The following PALLD variants were observed in gnomAD, a reference collection of about 807,000 sequenced individuals.
PALLD encodes palladin, cytoskeletal associated protein.
PALLD carries 61 observed loss-of-function variants against 123.5 expected under a neutral mutation model. The ratio of observed to expected loss-of-function variants is 0.49; its 90% CI spans 0.40 to 0.61. The LOEUF (loss-of-function observed/expected upper bound fraction) is 0.61, where lower values mean the gene tolerates loss of function less well. Ranked by LOEUF, PALLD falls within the 20% of genes least tolerant of loss-of-function variation. The probability of loss-of-function intolerance (pLI) is 0.00; values close to 1 mark genes in which losing one functional copy is unlikely to be tolerated. For synonymous variants in PALLD, 465 were observed against 496.4 expected, an observed-to-expected ratio of 0.94 and a Z score of 0.84; for missense variants, 1,273 against 1,377.0, an observed-to-expected ratio of 0.92 and a Z score of 1.20.
chr4:168,790,672 A>C (rs1250591755), intron 10 of PALLD, among the ~76,000 whole-genome samples: 2 of 152,032 alleles, frequency 1.3e-5, no homozygotes, highest in Non-Finnish European at 2.9e-5. Flanking sequence ...CTATGTCTTC[A>C]CTTTAGCCAG....
Position 168,512,428 on chromosome 4 carries a change from T to C in PALLD, c.908+16T>C. ...CTCGAGTCAGGTATGAATTTTTGTA[T>C]TATGCATAGCAAATGATCTTGTTGA... On this transcript the variant is annotated intron_variant, in intron 2 of 21. Transcript: ENST00000505667. The C allele has an allele frequency of 6.2e-7, 1 of 1,602,188 alleles. No individual in the cohort carries two copies. Among genetic ancestry groups the C allele is most frequent in the Admixed American group, 1.7e-5 (1 of 59,920 alleles).
rs1477864263 is a variant in PALLD, at chr4:168,878,119, G to A, written c.1965-12803G>A. 3 of 1,473,224 alleles carry A rather than the reference G, an allele frequency of 2.0e-6. No individual in the cohort carries two copies. In the East Asian group the frequency reaches 8.6e-5, roughly 42 times the overall value. 91.3% of individuals were successfully genotyped at this position (1,473,224 alleles called of 1,614,324 possible). A position where few individuals can be genotyped will look rare whatever the true frequency, so the allele number is the denominator to read the frequency against. On this transcript the variant is annotated intron_variant, in intron 10 of 21. Transcript: ENST00000505667. ...CCTTCGCGCAGCCCTTCGGCGCTGA[G>A]CCCGAGGCCCCGTGGGGCTCCTCCT...
intron 2 of PALLD, among the ~76,000 whole-genome samples, chr4:168,587,672 T>A (rs1487514123): frequency 1.3e-5 from 2 of 152,048 alleles, no homozygotes; most frequent in Admixed American, 6.6e-5. Flanking sequence ...CTATTCTACC[T>A]CTCCCCTGCT....
chr4:168,646,422 TAAC>T (rs970689766), intron 2 of PALLD, among the ~76,000 whole-genome samples: 2 of 152,196 alleles, frequency 1.3e-5, no homozygotes, highest in African/African-American at 4.8e-5. Flanking sequence ...TGCCAAGCCT[TAAC>T]AAGTATGTGG....
rs1475526839 is a variant in PALLD, at chr4:168,570,020, A to G, written c.908+57608A>G. On this transcript the variant is annotated intron_variant, in intron 2 of 21. Coordinates refer to ENST00000505667, the MANE Select transcript of PALLD (RefSeq NM_001166108.2). ...GCCTTGCTTTATGATGCTGGCAAGT[A>G]TGGAAGCCTTTATCTACCGTGTAAA... Among the ~76,000 whole-genome samples the G allele has an allele frequency of 2.6e-5, 4 of 152,288 alleles. No homozygotes were observed. In the East Asian group the frequency reaches 7.7e-4, roughly 29 times the overall value.
chr4:168,915,947 C>A lies in PALLD; in HGVS notation c.2770C>A (p.Arg924=). ...SGDENEPIQE[R]FFRPHFLQAP... is the part of the protein sequence containing the mutation. ...AGACGAAAATGAACCAATTCAGGAG[C>A]GATTCTTCAGACCTCACTTCTTGCA... Residue 924 remains arginine (R), a synonymous_variant, in exon 17 of 22, where the codon CGA becomes AGA. Coordinates refer to ENST00000505667, the MANE Select transcript of PALLD (RefSeq NM_001166108.2). 1 of 1,612,648 alleles carries A rather than the reference C, an allele frequency of 6.2e-7. No homozygotes were observed. Among genetic ancestry groups the A allele is most frequent in the South Asian group, 1.1e-5 (1 of 91,056 alleles).
chr4:168,600,101 G>GCACACATATATATACATACATGTGTATA (rs1397237326), intron 2 of PALLD, among the ~76,000 whole-genome samples: 1 of 116,842 alleles, frequency 8.6e-6, no homozygotes, highest in Non-Finnish European at 2.0e-5. Context: ...GCATGTGTAT[G>GCACACATATATATACATACATGTGTATA]CACACATATA....
intron 10 of PALLD, chr4:168,877,709 C>T: frequency 8.9e-7 from 1 of 1,123,098 alleles, no homozygotes; most frequent in Non-Finnish European, 1.1e-6. Flanking sequence ...TGTCACTTCT[C>T]TTTTTCCCCC....
rs1289034643 is a variant in PALLD, at chr4:168,511,884, T to G, written c.380T>G (p.Leu127Arg). 2 of 1,614,106 alleles carry G rather than the reference T, an allele frequency of 1.2e-6. No individual in the cohort carries two copies. The highest frequency in any genetic ancestry group is 4.5e-5 in the East Asian group (2 of 44,864). ...AAGAGGAAACCTGCCATGTCACCCCTGCTCACCAGGCCCAGCTACATCCGG... is the reference window on the plus strand; with the variant it reads ...AAGAGGAAACCTGCCATGTCACCCCGGCTCACCAGGCCCAGCTACATCCGG... ...VSKRKPAMSP[L>R]LTRPSYIRSL... The change falls in exon 2 of 22, where the codon CTG (leucine) becomes CGG (arginine). Residue 127 changes from leucine to arginine, a missense_variant. Physicochemically the swap from Leu to Arg is moderately radical, Grantham distance 102 (BLOSUM62 -2). This residue lies in a region of PALLD where 944 missense variants were observed against 954.5 expected (regional missense o/e 0.99). Coordinates refer to ENST00000505667, the MANE Select transcript of PALLD (RefSeq NM_001166108.2).
At chr4:168,739,740 T>C (rs1018190704) in intron 10 of PALLD, among the ~76,000 whole-genome samples, 1 of 152,186 alleles carries the variant, frequency 6.6e-6, no homozygotes, top group African/African-American at 2.4e-5. Context: ...AAGCCCATGT[T>C]GTTGATAATA....
chr4:168,834,928 T>C (rs75694955), intron 10 of PALLD, among the ~76,000 whole-genome samples: 4,077 of 152,348 alleles, frequency 0.027, 94 homozygotes, highest in South Asian at 0.13. Flanking sequence ...GACTCTGTTA[T>C]ATTTGAAGCA....
At chr4:168,798,336 G>A (rs1039383463) in intron 10 of PALLD, among the ~76,000 whole-genome samples, 2 of 152,026 alleles carry the variant, frequency 1.3e-5, no homozygotes, top group Non-Finnish European at 2.9e-5. Flanking sequence ...GAAAAATAAA[G>A]GGTTTTTTGT....
rs1312486587 is a variant in PALLD at position 168,887,128 on chromosome 4, AAAAAG to A, written c.1965-3789_1965-3785del. The stretch of plus-strand genomic sequence containing the variant: ...TGAGACTCTGTCTCAAAAAAAAAAA[AAAAAG>A]AAAAAGAAAAAGTAGAATAATCAGT... On this transcript the variant is annotated intron_variant, in intron 10 of 21. Transcript: ENST00000505667. Among the ~76,000 whole-genome samples the A allele has an allele frequency of 1.1e-3, 134 of 119,758 alleles. 3 individuals are homozygous for A. The East Asian group carries it at 0.013, about 12-fold the overall frequency. 78.6% of individuals were successfully genotyped at this position (119,758 alleles called of 152,430 possible). A position where few individuals can be genotyped will look rare whatever the true frequency, so the allele number is the denominator to read the frequency against.
intron 8 of PALLD, among the ~76,000 whole-genome samples, chr4:168,697,020 G>C (rs1381737070): frequency 6.6e-6 from 1 of 152,042 alleles, no homozygotes; most frequent in Non-Finnish European, 1.5e-5. Flanking sequence ...ATGAAATTCA[G>C]AATTTCCAGG....
At chr4:168,650,629 A>C (rs1487462620) in intron 2 of PALLD, among the ~76,000 whole-genome samples, 2 of 152,180 alleles carry the variant, frequency 1.3e-5, no homozygotes, top group Non-Finnish European at 2.9e-5. Context: ...ATGTATCCTA[A>C]ATTTTGTCAA....
At chr4:168,801,784 C>G (rs528457437) in intron 10 of PALLD, among the ~76,000 whole-genome samples, 143 of 152,298 alleles carry the variant, frequency 9.4e-4, no homozygotes, top group Admixed American at 3.2e-3. Context: ...CGCTGGGTGT[C>G]AGGGAACCTG....
intron 2 of PALLD, among the ~76,000 whole-genome samples, chr4:168,666,131 A>G (rs1232737156): frequency 6.6e-6 from 1 of 152,160 alleles, no homozygotes; most frequent in Non-Finnish European, 1.5e-5. Context: ...TGCAGGCTAT[A>G]AGTTCACTGA....
chr4:168,905,317 T>C (rs1757476524), intron 15 of PALLD, among the ~76,000 whole-genome samples: 1 of 151,218 alleles, frequency 6.6e-6, no homozygotes, highest in South Asian at 2.1e-4. Context: ...CCGGCTAATT[T>C]TTTTTTATTT....
At chr4:168,845,892 T>C (rs1293924939) in intron 10 of PALLD, among the ~76,000 whole-genome samples, 1 of 152,256 alleles carries the variant, frequency 6.6e-6, no homozygotes, top group Non-Finnish European at 1.5e-5. Flanking sequence ...CCAATTGTTA[T>C]ACTACTGATT....
Sources: allele counts gnomAD v4.1 joint callset (sites outside exome capture counted in the v4.1 genomes callset), GRCh38; gene constraint gnomAD v4.1.1; regional missense constraint gnomAD v4.1.1; transcripts MANE v1.5; gene names NCBI Gene and HGNC (gene_info 2026-07-23, HGNC 2026-07-21).